TMEM132D: variants seen among roughly 807,000 people sequenced by gnomAD.
The protein encoded by TMEM132D is mature OL transmembrane protein.
A neutral mutation model predicts 62.3 loss-of-function variants in TMEM132D; 21 were observed. The ratio of observed to expected loss-of-function variants is 0.34; its 90% confidence interval spans 0.24 to 0.49. The LOEUF (loss-of-function observed/expected upper bound fraction) is 0.49. Ranked by LOEUF, TMEM132D falls within the 20% of genes least tolerant of loss-of-function variation. The pLI is 0.99. For synonymous variants in TMEM132D, 621 were observed against 575.6 expected (o/e 1.08, Z -1.13); for missense variants, 1,346 against 1,402.8 (o/e 0.96, Z 0.65).
At chr12:129,162,433 G>A (rs547163189) in intron 5 of TMEM132D, among the ~76,000 whole-genome samples, 69 of 152,224 alleles carry the variant, frequency 4.5e-4, no homozygotes, top group African/African-American at 1.6e-3. Flanking sequence ...TATGGCAGTC[G>A]GAGCTGACAA....
intron 5 of TMEM132D, among the ~76,000 whole-genome samples, chr12:129,120,004 G>A (rs898211966): frequency 3.3e-5 from 5 of 151,890 alleles, no homozygotes; most frequent in Non-Finnish European, 7.4e-5. Flanking sequence ...TGTAGGAAGA[G>A]GAAAAATAAA....
At chr12:129,203,365 T>G (rs1243836308) in intron 5 of TMEM132D, among the ~76,000 whole-genome samples, 1 of 152,244 alleles carries the variant, frequency 6.6e-6, no homozygotes, top group Non-Finnish European at 1.5e-5. Flanking sequence ...AAATTTAATT[T>G]GTTTAAGGTT....
chr12:129,868,291 A>G (rs778961380), intron 1 of TMEM132D, among the ~76,000 whole-genome samples: 23 of 152,342 alleles, frequency 1.5e-4, no homozygotes, highest in Non-Finnish European at 5.9e-5. Flanking sequence ...CACATGAGAC[A>G]GCGTTTATAT....
intron 4 of TMEM132D, among the ~76,000 whole-genome samples, chr12:129,327,713 T>C (rs1406447503): frequency 6.6e-6 from 1 of 152,220 alleles, no homozygotes; most frequent in Non-Finnish European, 1.5e-5. Context: ...CTATTCCAAG[T>C]TGTCATCCTT....
chr12:129,547,271 C>T (rs1221512284), intron 2 of TMEM132D, among the ~76,000 whole-genome samples: 3 of 152,138 alleles, frequency 2.0e-5, no homozygotes, highest in South Asian at 2.1e-4. Flanking sequence ...CAGGGTCTCA[C>T]TCTGTTGCCC....
chr12:129,699,827 T>A lies in TMEM132D; in HGVS notation c.951A>T (p.Glu317Asp), dbSNP rs780979480. ...CGACTTACCTCAACGTGAAGCGATC[T>A]TCAGTGGAATTTCTGGAGATGGAAA... is the stretch of plus-strand genomic sequence containing the variant. ...FPVSISRNST[E>D]DRFTLRAKVK... Residue 317 changes from glutamate to aspartate, a missense_variant, in exon 2 of 9, where the codon GAA becomes GAT. Transcript: ENST00000422113. 6.2e-7 allele frequency: 1 copy of A among 1,613,922 alleles called. No individual in the cohort carries two copies. The highest frequency in any genetic ancestry group is 8.5e-7 in the Non-Finnish European group (1 of 1,179,978).
intron 2 of TMEM132D, among the ~76,000 whole-genome samples, chr12:129,550,009 C>T (rs891767088): frequency 4.6e-5 from 7 of 152,116 alleles, no homozygotes; most frequent in Admixed American, 1.3e-4. Flanking sequence ...CCTTCTCTGG[C>T]TCTCTTTCCT....
chr12:129,219,235 T>G (rs945806135), intron 4 of TMEM132D, among the ~76,000 whole-genome samples: 10 of 152,106 alleles, frequency 6.6e-5, no homozygotes, highest in Admixed American at 1.3e-4. Flanking sequence ...ATGCTTTTCT[T>G]GTGATAGTGA....
At chr12:129,620,975 C>G (rs967794232) in intron 2 of TMEM132D, among the ~76,000 whole-genome samples, 6 of 152,138 alleles carry the variant, frequency 3.9e-5, no homozygotes, top group African/African-American at 1.4e-4. Flanking sequence ...TATTCCAGAA[C>G]TTAAAACAAA....
At chr12:129,269,868 G>C (rs1880805533) in intron 4 of TMEM132D, among the ~76,000 whole-genome samples, 2 of 152,144 alleles carry the variant, frequency 1.3e-5, no homozygotes, top group African/African-American at 4.8e-5. Context: ...TAAAAACGTG[G>C]GAACAGGGCT....
At chr12:129,322,092 T>A (rs796796762) in intron 4 of TMEM132D, among the ~76,000 whole-genome samples, 1 of 151,950 alleles carries the variant, frequency 6.6e-6, no homozygotes, top group African/African-American at 2.4e-5. Flanking sequence ...AATTTTCTCA[T>A]CTGCAAAATA....
intron 3 of TMEM132D, among the ~76,000 whole-genome samples, chr12:129,403,851 A>G (rs1397973294): frequency 7.9e-5 from 12 of 152,182 alleles, no homozygotes; most frequent in Non-Finnish European, 2.9e-5. Flanking sequence ...AAAGACCTAA[A>G]TGAGGTGAGG....
chr12:129,317,932 G>A (rs539055249), intron 4 of TMEM132D, among the ~76,000 whole-genome samples: 3 of 152,156 alleles, frequency 2.0e-5, no homozygotes, highest in African/African-American at 7.2e-5. Flanking sequence ...GTTCAATTCT[G>A]TTGCTGAGAC....
rs1426094003 is a variant in TMEM132D at position 129,893,486 on chromosome 12, C to G, written c.79+9775G>C. ...CTGGATCTGCTTATGCTATCTGAAGCCACAGAGACAGGCACATCCTTCTTT... is the reference window on the plus strand; with the variant it reads ...CTGGATCTGCTTATGCTATCTGAAGGCACAGAGACAGGCACATCCTTCTTT... On this transcript the variant is annotated intron_variant, in intron 1 of 8. Transcript: ENST00000422113. 2.2e-5 allele frequency among the ~76,000 whole-genome samples: 3 copies of G among 134,052 alleles called. No homozygotes were observed. In the Admixed American group the frequency reaches 2.7e-4, roughly 12 times the overall value. The allele number at this position is 134,052 out of a possible 152,430, so 87.9% of individuals were successfully genotyped here. A position where few individuals can be genotyped will look rare whatever the true frequency, so the allele number is the denominator to read the frequency against.
intron 5 of TMEM132D, among the ~76,000 whole-genome samples, chr12:129,172,898 T>C (rs1877778464): frequency 6.6e-6 from 1 of 152,216 alleles, no homozygotes; most frequent in Non-Finnish European, 1.5e-5. Flanking sequence ...CAATATTGTG[T>C]CTCAGGGAAT....
At chr12:129,095,465 C>T (rs1361820460) in intron 5 of TMEM132D, among the ~76,000 whole-genome samples, 1 of 151,304 alleles carries the variant, frequency 6.6e-6, no homozygotes, top group Non-Finnish European at 1.5e-5. Context: ...AGCAGTTCTC[C>T]TGCCTCAGCC....
In TMEM132D at chr12:129,127,096, C is replaced by A. The variant is rs549962563; in HGVS notation, c.1444-42394G>T. ...GCCCACCACTCATGCAGTCTGAGAG[C>A]GAGAGAGCGGGATTCATCAACGGAT... On this transcript the variant is annotated intron_variant, in intron 5 of 8. Coordinates refer to ENST00000422113, the MANE Select transcript of TMEM132D (RefSeq NM_133448.3). Among the ~76,000 whole-genome samples the A allele has an allele frequency of 1.7e-4, 26 of 152,302 alleles. No individual in the cohort carries two copies. The South Asian group carries it at 3.3e-3, about 19-fold the overall frequency.
At chr12:129,539,697 C>T (rs1366937407) in intron 2 of TMEM132D, among the ~76,000 whole-genome samples, 1 of 151,998 alleles carries the variant, frequency 6.6e-6, no homozygotes, top group Non-Finnish European at 1.5e-5. Context: ...CAGGCGTGAG[C>T]TACCACGCCC....
chr12:129,169,505 G>A (rs1877660805), intron 5 of TMEM132D, among the ~76,000 whole-genome samples: 2 of 152,330 alleles, frequency 1.3e-5, no homozygotes, highest in South Asian at 2.1e-4. Flanking sequence ...TGAGCTTGAT[G>A]TCATGCAGAA....
Sources: gnomAD v4.1 joint callset for allele counts (sites outside exome capture counted in the v4.1 genomes callset) on GRCh38, gnomAD v4.1.1 for gene constraint, MANE v1.5 for transcripts, NCBI Gene and HGNC (gene_info 2026-07-23, HGNC 2026-07-21) for gene names.